Variants in CTIF observed in about 807,000 individuals in gnomAD.
CTIF encodes CBP80/20-dependent translation initiation factor.
A neutral mutation model predicts 66.0 loss-of-function variants in CTIF; 21 were observed. The observed-to-expected ratio is 0.32, with a 90% confidence interval of 0.23 to 0.46. The LOEUF is 0.46. Among genes scored for constraint, CTIF ranks in the 20% least tolerant of loss-of-function variants. The probability of loss-of-function intolerance (pLI) is 1.00; values close to 1 mark genes in which losing one functional copy is unlikely to be tolerated. For synonymous variants in CTIF, 345 were observed against 326.4 expected (o/e 1.06, Z -0.62); for missense variants, 739 against 812.7 (o/e 0.91, Z 1.10).
intron 8 of CTIF, chr18:48,760,131 G>C (rs1323199496): frequency 1.3e-5 from 2 of 151,648 alleles, no homozygotes; most frequent in African/African-American, 4.8e-5. Context: ...AGGTGGTTGG[G>C]TTTGAGGAGA....
At chr18:48,785,490 C>T (rs972009774) in intron 9 of CTIF, among the ~76,000 whole-genome samples, 2 of 152,218 alleles carry the variant, frequency 1.3e-5, no homozygotes, top group Non-Finnish European at 2.9e-5. Context: ...CCTACAGAAA[C>T]CTGCCCCCTG....
intron 1 of CTIF, among the ~76,000 whole-genome samples, chr18:48,597,361 T>G (rs1300432182): frequency 2.0e-5 from 3 of 152,112 alleles, no homozygotes; most frequent in Non-Finnish European, 2.9e-5. Context: ...TGAAGGGTAG[T>G]GATATGTGTT....
At chr18:48,682,300 G>A (rs142428138) in intron 6 of CTIF, among the ~76,000 whole-genome samples, 8 of 152,334 alleles carry the variant, frequency 5.3e-5, no homozygotes, top group Middle Eastern at 3.4e-3. Flanking sequence ...GATCCCGGGA[G>A]CCAAAAGCGT....
rs58084631 is a variant in CTIF, at chr18:48,568,633, T to TAAAAAAAAAAAAAAAAAAAAAAAAAAA, written c.-29+29330_-29+29356dup. On this transcript the variant is annotated intron_variant, in intron 1 of 11. Coordinates refer to ENST00000256413, the MANE Select transcript of CTIF (RefSeq NM_014772.3). ...GAAATACCTGAGACTGGGCAATTTG[T>TAAAAAAAAAAAAAAAAAAAAAAAAAAA]AAAAAAAAAAAAAAAAAAAAAAAAA... Among the ~76,000 whole-genome samples, 22 of 36,638 alleles carry TAAAAAAAAAAAAAAAAAAAAAAAAAAA rather than the reference T, an allele frequency of 6.0e-4. 5 individuals carry two copies. Among genetic ancestry groups the TAAAAAAAAAAAAAAAAAAAAAAAAAAA allele is most frequent in the East Asian group, 1.7e-3 (2 of 1,172 alleles). 24.0% of individuals were successfully genotyped at this position (36,638 alleles called of 152,430 possible). A position where few individuals can be genotyped will look rare whatever the true frequency, so the allele number is the denominator to read the frequency against.
chr18:48,745,939 C>T (rs1373334203), intron 7 of CTIF, among the ~76,000 whole-genome samples: 3 of 152,236 alleles, frequency 2.0e-5, no homozygotes, highest in Non-Finnish European at 2.9e-5. Flanking sequence ...CAGCTAACTC[C>T]GTTTCACATT....
intron 6 of CTIF, among the ~76,000 whole-genome samples, chr18:48,706,382 C>T (rs2092154455): frequency 6.6e-6 from 1 of 152,140 alleles, no homozygotes; most frequent in Non-Finnish European, 1.5e-5. Flanking sequence ...AGCCTGTTGC[C>T]TAGGGGAGGT....
At chr18:48,544,074 C>T (rs972913282) in intron 1 of CTIF, among the ~76,000 whole-genome samples, 4 of 152,106 alleles carry the variant, frequency 2.6e-5, no homozygotes, top group Non-Finnish European at 1.5e-5. Flanking sequence ...AGCTGGGATG[C>T]GTGTGTACTT....
At chr18:48,812,796 G>A (rs538714936) in intron 9 of CTIF, among the ~76,000 whole-genome samples, 3 of 151,046 alleles carry the variant, frequency 2.0e-5, no homozygotes, top group South Asian at 2.1e-4. Flanking sequence ...AAATTATTCC[G>A]CTAAGTAAAA....
chr18:48,544,915 A>T (rs1274524141), intron 1 of CTIF, among the ~76,000 whole-genome samples: 2 of 152,216 alleles, frequency 1.3e-5, no homozygotes, highest in Non-Finnish European at 2.9e-5. Flanking sequence ...TGGGAGAGAC[A>T]GATGCATAAA....
At chr18:48,632,761 GCA>G (rs1211065594) in intron 2 of CTIF, among the ~76,000 whole-genome samples, 2 of 152,058 alleles carry the variant, frequency 1.3e-5, no homozygotes, top group Admixed American at 1.3e-4. Context: ...CCTGCCGAGA[GCA>G]CACTCTTCTT....
At chr18:48,582,288 A>G (rs1357307004) in intron 1 of CTIF, among the ~76,000 whole-genome samples, 2 of 152,048 alleles carry the variant, frequency 1.3e-5, no homozygotes, top group Admixed American at 1.3e-4. Context: ...TCCATGGGGC[A>G]GGGCAGGGAG....
intron 7 of CTIF, among the ~76,000 whole-genome samples, chr18:48,722,693 C>T (rs1267359725): frequency 6.6e-6 from 1 of 150,900 alleles, no homozygotes; most frequent in East Asian, 1.9e-4. Context: ...AGCACCCAGC[C>T]GTACCCATCA....
intron 5 of CTIF, among the ~76,000 whole-genome samples, chr18:48,666,584 C>T (rs2091438643): frequency 2.6e-5 from 4 of 152,218 alleles, no homozygotes; most frequent in South Asian, 2.1e-4. Flanking sequence ...CACTTGCATC[C>T]GACTCTCCCA....
intron 10 of CTIF, among the ~76,000 whole-genome samples, chr18:48,824,129 C>G (rs180876397): frequency 1.3e-5 from 2 of 152,184 alleles, no homozygotes; most frequent in East Asian, 1.9e-4. Flanking sequence ...AACAATCTTA[C>G]AATTGCATCC....
chr18:48,632,720 C>T (rs527750154), intron 2 of CTIF, among the ~76,000 whole-genome samples: 1 of 152,248 alleles, frequency 6.6e-6, no homozygotes, highest in East Asian at 1.9e-4. Context: ...TCTGGGAACC[C>T]TGGGTTGCCT....
intron 7 of CTIF, among the ~76,000 whole-genome samples, chr18:48,748,572 G>A (rs1332501539): frequency 6.6e-6 from 1 of 152,182 alleles, no homozygotes; most frequent in Non-Finnish European, 1.5e-5. Flanking sequence ...GTGCATAGCT[G>A]TTGTGAGGTC....
At chr18:48,606,518 G>A (rs1308419357) in intron 1 of CTIF, among the ~76,000 whole-genome samples, 2 of 152,224 alleles carry the variant, frequency 1.3e-5, no homozygotes, top group East Asian at 3.8e-4. Flanking sequence ...AGGGGCATGA[G>A]GCCCAGTGCC....
chr18:48,576,827 T>C (rs909107652), intron 1 of CTIF, among the ~76,000 whole-genome samples: 1 of 152,258 alleles, frequency 6.6e-6, no homozygotes, highest in African/African-American at 2.4e-5. Flanking sequence ...TTTGGTGGTT[T>C]AGGGCTTGTC....
At chr18:48,616,392 G>A (rs1236208664) in intron 1 of CTIF, among the ~76,000 whole-genome samples, 2 of 152,218 alleles carry the variant, frequency 1.3e-5, no homozygotes, top group Non-Finnish European at 2.9e-5. Flanking sequence ...ATAAGCACAT[G>A]CTCAGCACTT....
Sources: allele counts gnomAD v4.1 joint callset (sites outside exome capture counted in the v4.1 genomes callset), GRCh38; gene constraint gnomAD v4.1.1; transcripts MANE v1.5; gene names NCBI Gene and HGNC (gene_info 2026-07-23, HGNC 2026-07-21).